Variants in DNM3 observed in about 807,000 individuals in gnomAD.
The protein encoded by DNM3 is dynamin-3.
DNM3 carries 47 observed loss-of-function variants against 101.6 expected under a neutral mutation model. The observed-to-expected ratio is 0.46, with a 90% confidence interval of 0.37 to 0.59. The LOEUF is 0.59. Ranked by LOEUF, DNM3 falls within the 20% of genes least tolerant of loss-of-function variation. The probability of loss-of-function intolerance (pLI) is 0.00; values close to 1 mark genes in which losing one functional copy is unlikely to be tolerated. For missense variants in DNM3, 849 were observed against 1,085.7 expected (o/e 0.78, Z 3.06); for synonymous variants, 385 against 387.9 (o/e 0.99, Z 0.09).
At chr1:172,170,177 T>A (rs893110955) in intron 14 of DNM3, among the ~76,000 whole-genome samples, 1 of 151,932 alleles carries the variant, frequency 6.6e-6, no homozygotes, top group African/African-American at 2.4e-5. Flanking sequence ...TGTTTTAAAT[T>A]CATATACATT....
At chr1:171,870,417 C>T (rs868335176) in intron 1 of DNM3, among the ~76,000 whole-genome samples, 15 of 151,708 alleles carry the variant, frequency 9.9e-5, no homozygotes, top group Non-Finnish European at 2.1e-4. Context: ...GCAGCCTGGG[C>T]GACAGAGTAA....
intron 2 of DNM3, among the ~76,000 whole-genome samples, chr1:171,982,855 T>C (rs2044912180): frequency 6.6e-6 from 1 of 152,184 alleles, no homozygotes; most frequent in Non-Finnish European, 1.5e-5. Context: ...AGTCCCCTGA[T>C]GAATTTCACA....
intron 14 of DNM3, among the ~76,000 whole-genome samples, chr1:172,180,604 TAA>T (rs138750022): frequency 0.065 from 9,940 of 152,192 alleles, 375 homozygotes; most frequent in Middle Eastern, 0.12. Context: ...CAGAAGATCA[TAA>T]AAAGTTTCCT....
At chr1:172,130,496 A>T (rs1225171553) in intron 13 of DNM3, among the ~76,000 whole-genome samples, 2 of 152,196 alleles carry the variant, frequency 1.3e-5, no homozygotes, top group South Asian at 2.1e-4. Flanking sequence ...TGTTTAAAAA[A>T]TTTTATGAAG....
chr1:172,375,528 C>T (rs2068551345), intron 17 of DNM3, among the ~76,000 whole-genome samples: 1 of 151,900 alleles, frequency 6.6e-6, no homozygotes, highest in Non-Finnish European at 1.5e-5. Flanking sequence ...TCGTGATGAC[C>T]TGATTTACTA....
At chr1:172,279,501 T>A (rs2063407974) in intron 15 of DNM3, among the ~76,000 whole-genome samples, 1 of 152,154 alleles carries the variant, frequency 6.6e-6, no homozygotes, top group African/African-American at 2.4e-5. Flanking sequence ...AGTGCGCTTG[T>A]TCCATCTATA....
At chr1:172,117,840 C>T (rs2056031852) in intron 13 of DNM3, among the ~76,000 whole-genome samples, 1 of 152,122 alleles carries the variant, frequency 6.6e-6, no homozygotes, top group Non-Finnish European at 1.5e-5. Context: ...GGTAGTGATA[C>T]ATAAGGGCAA....
At chr1:172,400,216 T>C (rs2070364094) in intron 20 of DNM3, among the ~76,000 whole-genome samples, 1 of 152,142 alleles carries the variant, frequency 6.6e-6, no homozygotes, top group Non-Finnish European at 1.5e-5. Context: ...GCACCTCCTT[T>C]CTGCCTCCTC....
intron 14 of DNM3, among the ~76,000 whole-genome samples, chr1:172,178,558 A>T (rs1030174302): frequency 2.0e-5 from 3 of 151,860 alleles, no homozygotes; most frequent in Non-Finnish European, 4.4e-5. Context: ...TAGATGAAGC[A>T]GTTAAAAGAA....
At chr1:172,317,751 C>A (rs1448558154) in intron 16 of DNM3, among the ~76,000 whole-genome samples, 1 of 152,154 alleles carries the variant, frequency 6.6e-6, no homozygotes, top group East Asian at 1.9e-4. Context: ...TAATCAATAG[C>A]TTACCAACCA....
chr1:172,307,442 C>T (rs2064882818), intron 15 of DNM3, among the ~76,000 whole-genome samples: 1 of 152,150 alleles, frequency 6.6e-6, no homozygotes, highest in South Asian at 2.1e-4. Context: ...TAAACTAGTT[C>T]AACCATTGTG....
intron 15 of DNM3, among the ~76,000 whole-genome samples, chr1:172,278,574 C>T (rs1259389103): frequency 6.6e-6 from 1 of 152,152 alleles, no homozygotes; most frequent in Admixed American, 6.6e-5. Flanking sequence ...CAGGGAAGCA[C>T]TCACTATACA....
Position 172,408,532 on chromosome 1 carries a change from CA to C in DNM3, c.*692del. ...AATAAAAGCTTCTTTTTTTGTTAAT[CA>C]GTCAATAAATTTGGCTAATTAGTTT... is the stretch of plus-strand genomic sequence containing the variant. On this transcript the variant is annotated 3_prime_UTR_variant, in exon 21 of 21. Transcript: ENST00000627582. 1 of 985,250 alleles carries C rather than the reference CA, an allele frequency of 1.0e-6. No individual in the cohort carries two copies. Among genetic ancestry groups the C allele is most frequent in the Non-Finnish European group, 1.2e-6 (1 of 829,864 alleles). 61.0% of individuals were successfully genotyped at this position (985,250 alleles called of 1,614,324 possible).
At chr1:172,318,373 G>A (rs1280019388) in intron 16 of DNM3, among the ~76,000 whole-genome samples, 1 of 152,114 alleles carries the variant, frequency 6.6e-6, no homozygotes, top group Non-Finnish European at 1.5e-5. Context: ...CATAGTGTTG[G>A]AAGTTCTGGC....
At chr1:172,208,177 G>C (rs1411642403) in intron 14 of DNM3, among the ~76,000 whole-genome samples, 1 of 152,082 alleles carries the variant, frequency 6.6e-6, no homozygotes, top group African/African-American at 2.4e-5. Flanking sequence ...ATTTAGAAGA[G>C]AGGAGACCAC....
intron 11 of DNM3, among the ~76,000 whole-genome samples, chr1:172,073,839 C>A (rs1029023719): frequency 7.2e-5 from 11 of 152,130 alleles, no homozygotes; most frequent in Non-Finnish European, 1.5e-4. Flanking sequence ...CACAAGGAAA[C>A]GTAGAAAGAG....
At chr1:172,032,364 CT>C in intron 4 of DNM3, 37 bp from the exon 5 acceptor site, 1 of 1,480,432 alleles carries the variant, frequency 6.8e-7, no homozygotes. Flanking sequence ...TGTTAGTCTT[CT>C]GCAAATTGTG....
At chr1:171,911,273 C>CTTTTTT (rs151321245) in intron 1 of DNM3, among the ~76,000 whole-genome samples, 919 of 90,732 alleles carry the variant, frequency 0.01, 60 homozygotes, top group East Asian at 0.029. Flanking sequence ...ACCCCAACAT[C>CTTTTTT]TTTTTTTTTT....
intron 1 of DNM3, among the ~76,000 whole-genome samples, chr1:171,858,652 C>T (rs557046413): frequency 2.0e-5 from 3 of 152,092 alleles, no homozygotes; most frequent in Admixed American, 6.6e-5. Flanking sequence ...CCATGGTAAT[C>T]GGTATTTTTC....
Sources: allele counts gnomAD v4.1 joint callset (sites outside exome capture counted in the v4.1 genomes callset), GRCh38; gene constraint gnomAD v4.1.1; transcripts MANE v1.5; gene names NCBI Gene and HGNC (gene_info 2026-07-23, HGNC 2026-07-21).